The following C10orf67 variants were observed in gnomAD, a reference collection of about 807,000 sequenced individuals.
C10orf67 encodes uncharacterized protein C10orf67, mitochondrial.
A neutral mutation model predicts 35.6 loss-of-function variants in C10orf67; 60 were observed. The observed-to-expected ratio is 1.68, with a 90% CI of 1.37 to 2.09. The LOEUF (loss-of-function observed/expected upper bound fraction) is 2.09, where lower values mean the gene tolerates loss of function less well. Ranked by LOEUF, C10orf67 falls within the 30% of genes most tolerant of loss-of-function variation. C10orf67 has a pLI of 0.00. For synonymous variants in C10orf67, 167 were observed against 115.8 expected (o/e 1.44, Z -2.84); for missense variants, 474 against 330.2 (o/e 1.44, Z -3.38).
At chr10:23,227,364 A>G (rs1457991832) in intron 13 of C10orf67, among the ~76,000 whole-genome samples, 1 of 152,316 alleles carries the variant, frequency 6.6e-6, no homozygotes, top group Non-Finnish European at 1.5e-5. Flanking sequence ...AGATGCAGAA[A>G]AGGCCTTTGA....
At position 23,223,732 on chromosome 10, in the gene C10orf67, T is replaced by C. The variant is rs1017890200; in HGVS notation, c.1509+12A>G. 1.5e-5 allele frequency: 11 copies of C among 716,144 alleles called. No individual in the cohort carries two copies. Among genetic ancestry groups the C allele is most frequent in the Admixed American group, 8.0e-5 (4 of 49,946 alleles). The allele number at this position is 716,144 out of a possible 1,614,324, so 44.4% of individuals were successfully genotyped here. A position where few individuals can be genotyped will look rare whatever the true frequency, so the allele number is the denominator to read the frequency against. The stretch of plus-strand genomic sequence containing the variant: ...TCAGTAAATATTTAATAAAGAAAAA[T>C]AAGCTACTTACTGAAGATGTACAAT... On this transcript the variant is annotated intron_variant, in intron 14 of 15. Coordinates refer to ENST00000636213, the MANE Select transcript of C10orf67 (RefSeq NM_001371909.1).
At chr10:23,234,021 A>G (rs1841977197) in intron 13 of C10orf67, among the ~76,000 whole-genome samples, 1 of 152,214 alleles carries the variant, frequency 6.6e-6, no homozygotes, top group African/African-American at 2.4e-5. Context: ...GTGAGATTTT[A>G]AAAACTAAAA....
At chr10:23,293,139 C>T (rs1410455467) in intron 5 of C10orf67, among the ~76,000 whole-genome samples, 1 of 152,174 alleles carries the variant, frequency 6.6e-6, no homozygotes, top group African/African-American at 2.4e-5. Context: ...TAAAGAAGAA[C>T]TATTTGAATT....
intron 12 of C10orf67, among the ~76,000 whole-genome samples, chr10:23,245,512 G>A (rs59254341): frequency 0.2 from 30,483 of 152,096 alleles, 3,783 homozygotes; most frequent in Non-Finnish European, 0.28. Flanking sequence ...CAGCTTAACA[G>A]CAAGAGAACA....
intron 5 of C10orf67, 94 bp downstream of exon 5, chr10:23,303,210 A>G (rs1372336258): frequency 1.2e-5 from 5 of 417,156 alleles, no homozygotes; most frequent in African/African-American, 2.1e-5. Context: ...AAATGCAGCA[A>G]TTGGATTTTA....
At chr10:23,295,065 G>A (rs1843840694) in intron 5 of C10orf67, among the ~76,000 whole-genome samples, 1 of 152,176 alleles carries the variant, frequency 6.6e-6, no homozygotes, top group Non-Finnish European at 1.5e-5. Context: ...CAGTCAGGAG[G>A]GGAGAGCAGA....
chr10:23,330,605 T>A (rs1445719178), intron 2 of C10orf67, among the ~76,000 whole-genome samples: 1 of 151,998 alleles, frequency 6.6e-6, no homozygotes, highest in Non-Finnish European at 1.5e-5. Flanking sequence ...CCGGGCGTGG[T>A]GGCCGGCGCC....
intron 15 of C10orf67, among the ~76,000 whole-genome samples, chr10:23,214,444 G>C (rs17542616): frequency 0.07 from 10,608 of 152,144 alleles, 516 homozygotes; most frequent in Non-Finnish European, 0.11. Context: ...TTAGAGTCAA[G>C]CAACAGTTAA....
At chr10:23,322,737 T>C (rs1181128832) in intron 2 of C10orf67, among the ~76,000 whole-genome samples, 200 bp from the exon 3 acceptor site, 1 of 152,038 alleles carries the variant, frequency 6.6e-6, no homozygotes, top group Non-Finnish European at 1.5e-5. Context: ...GGAAGTAGCA[T>C]TAGTATCTGG....
At chr10:23,309,273 C>A (rs1288524326) in intron 4 of C10orf67, among the ~76,000 whole-genome samples, 1 of 152,076 alleles carries the variant, frequency 6.6e-6, no homozygotes, top group Admixed American at 6.6e-5. Flanking sequence ...TTATCCTAAG[C>A]AAATTAATGC....
chr10:23,271,777 G>C (rs569477854), intron 8 of C10orf67, among the ~76,000 whole-genome samples: 1 of 152,084 alleles, frequency 6.6e-6, no homozygotes, highest in Non-Finnish European at 1.5e-5. Flanking sequence ...GGTTGTTTTC[G>C]TATTATTACA....
chr10:23,272,871 G>T (rs770794748), intron 8 of C10orf67, among the ~76,000 whole-genome samples: 1 of 152,080 alleles, frequency 6.6e-6, no homozygotes, highest in Non-Finnish European at 1.5e-5. Flanking sequence ...TATTTCAGCA[G>T]TATTTTATAT....
chr10:23,307,755 T>A (rs191220925), intron 4 of C10orf67, among the ~76,000 whole-genome samples: 312 of 152,124 alleles, frequency 2.1e-3, no homozygotes, highest in Non-Finnish European at 3.3e-3. Flanking sequence ...TAGCTGAGAC[T>A]TCAGGCACAT....
rs200996639 is a variant in C10orf67, at chr10:23,263,395, AT to A, written c.1200+2866del. On this transcript the variant is annotated intron_variant, in intron 10 of 15. Coordinates refer to ENST00000636213, the MANE Select transcript of C10orf67 (RefSeq NM_001371909.1). ...AATAATTCTATATCCCATAATAACA[AT>A]TTTTTTTTAAATCACTAGCTTGCAA... 5.7e-3 allele frequency among the ~76,000 whole-genome samples: 870 copies of A among 151,844 alleles called. 6 individuals are homozygous for A. The highest frequency in any genetic ancestry group is 8.4e-3 in the African/African-American group (346 of 41,418).
intron 13 of C10orf67, among the ~76,000 whole-genome samples, chr10:23,232,217 C>T (rs1325590): frequency 0.07 from 10,611 of 152,044 alleles, 1,300 homozygotes; most frequent in East Asian, 0.62. Flanking sequence ...GTTTGAAAAA[C>T]ATGCATACAA....
chr10:23,239,841 T>C (rs909728362), intron 12 of C10orf67, 25 bp from the exon 13 acceptor site: 3 of 603,104 alleles, frequency 5.0e-6, no homozygotes, highest in Admixed American at 2.1e-5. Context: ...ATGATGAAAC[T>C]TAAAATGTAT....
intron 1 of C10orf67, among the ~76,000 whole-genome samples, chr10:23,333,810 G>C (rs1845567858): frequency 6.6e-6 from 1 of 152,018 alleles, no homozygotes; most frequent in African/African-American, 2.4e-5. Context: ...TTTTGTTTTA[G>C]AACAATACAG....
chr10:23,224,613 G>A (rs1841683348), intron 13 of C10orf67, among the ~76,000 whole-genome samples: 1 of 152,182 alleles, frequency 6.6e-6, no homozygotes, highest in African/African-American at 2.4e-5. Context: ...CCATCGCAAA[G>A]AAGCTAAAAA....
intron 15 of C10orf67, among the ~76,000 whole-genome samples, chr10:23,221,697 C>A (rs2132103703): frequency 6.6e-6 from 1 of 152,302 alleles, no homozygotes; most frequent in African/African-American, 2.4e-5. Context: ...AAGGCATTAC[C>A]ACCAAAGATC....
Sources: gnomAD v4.1 joint callset for allele counts (sites outside exome capture counted in the v4.1 genomes callset) on GRCh38, gnomAD v4.1.1 for gene constraint, MANE v1.5 for transcripts, NCBI Gene and HGNC (gene_info 2026-07-23, HGNC 2026-07-21) for gene names.